The following RIMS2 variants were observed in gnomAD, a reference collection of about 807,000 sequenced individuals.
RIMS2 encodes regulating synaptic membrane exocytosis protein 2.
A neutral mutation model predicts 174.4 loss-of-function variants in RIMS2; 59 were observed. The ratio of observed to expected loss-of-function variants is 0.34; its 90% CI spans 0.27 to 0.42. The LOEUF (loss-of-function observed/expected upper bound fraction) is 0.42, where lower values mean the gene tolerates loss of function less well. RIMS2 is among the 10% of genes least tolerant of loss of function. The pLI is 1.00. For synonymous variants in RIMS2, 606 were observed against 572.5 expected, an observed-to-expected ratio of 1.06 and a Z score of -0.84; for missense variants, 1,620 against 1,666.3, an observed-to-expected ratio of 0.97 and a Z score of 0.48.
intron 19 of RIMS2, chr8:104,223,697 A>T (rs1376288702): frequency 6.3e-7 from 1 of 1,592,702 alleles, no homozygotes; most frequent in Non-Finnish European, 8.5e-7. Flanking sequence ...GGGGCGCTCC[A>T]TGCAGCGCTC....
chr8:103,659,947 T>A (rs2096577333), intron 1 of RIMS2, among the ~76,000 whole-genome samples: 1 of 152,200 alleles, frequency 6.6e-6, no homozygotes, highest in Admixed American at 6.5e-5. Flanking sequence ...TGACTACTTC[T>A]CCATTGATGT....
At chr8:104,218,181 G>A (rs77998482) in intron 19 of RIMS2, among the ~76,000 whole-genome samples, 103 of 152,292 alleles carry the variant, frequency 6.8e-4, no homozygotes, top group East Asian at 3.9e-3. Context: ...AGAAATTCCC[G>A]TCTCTCTCAG....
At chr8:103,882,668 G>C (rs1399006022) in intron 3 of RIMS2, among the ~76,000 whole-genome samples, 3 of 151,422 alleles carry the variant, frequency 2.0e-5, no homozygotes, top group Admixed American at 6.6e-5. Context: ...ATAATCTCTA[G>C]AACAATGTGA....
intron 2 of RIMS2, among the ~76,000 whole-genome samples, chr8:103,752,713 CT>C (rs2097910491): frequency 6.6e-6 from 1 of 152,104 alleles, no homozygotes; most frequent in Non-Finnish European, 1.5e-5. Context: ...TGGGAGTTCA[CT>C]CATGATTTGG....
At chr8:104,073,737 A>T (rs1244953099) in intron 19 of RIMS2, among the ~76,000 whole-genome samples, 1 of 152,186 alleles carries the variant, frequency 6.6e-6, no homozygotes, top group Non-Finnish European at 1.5e-5. Context: ...TTTATTGTGC[A>T]TGCCTGACCC....
intron 19 of RIMS2, among the ~76,000 whole-genome samples, chr8:104,049,880 A>G (rs543241685): frequency 6.6e-6 from 1 of 152,338 alleles, no homozygotes; most frequent in Non-Finnish European, 1.5e-5. Flanking sequence ...AATTGTTAAT[A>G]AAAATCATTT....
intron 1 of RIMS2, among the ~76,000 whole-genome samples, chr8:103,598,334 C>T (rs2094555737): frequency 6.6e-6 from 1 of 152,174 alleles, no homozygotes; most frequent in Non-Finnish European, 1.5e-5. Flanking sequence ...AGCTCTGTTG[C>T]AGCTCTTTTG....
At chr8:103,509,084 T>G (rs1825195997) in intron 1 of RIMS2, among the ~76,000 whole-genome samples, 1 of 152,068 alleles carries the variant, frequency 6.6e-6, no homozygotes, top group South Asian at 2.1e-4. Context: ...AGCATTAATA[T>G]GAGTAATAGA....
intron 1 of RIMS2, among the ~76,000 whole-genome samples, chr8:103,636,632 C>G (rs1372869708): frequency 6.6e-6 from 1 of 152,074 alleles, no homozygotes. Flanking sequence ...GGTTGTTTTC[C>G]TGATTAATTT....
intron 19 of RIMS2, among the ~76,000 whole-genome samples, chr8:104,043,610 T>C (rs2096645754): frequency 6.6e-6 from 1 of 151,646 alleles, no homozygotes; most frequent in African/African-American, 2.4e-5. Flanking sequence ...AGATAAGGTC[T>C]CAATGATAGA....
At chr8:103,849,707 C>T (rs1001570706) in intron 3 of RIMS2, among the ~76,000 whole-genome samples, 7 of 151,850 alleles carry the variant, frequency 4.6e-5, no homozygotes, top group Non-Finnish European at 1.0e-4. Context: ...AAAATGTTAG[C>T]CATTATTGTA....
rs113514399 is a variant in RIMS2, at chr8:103,983,231, G to A, written c.2928-6074G>A. ...ACAATGAAAACTATAAAACATTGGC[G>A]CAAGAAATTGAAGATGGCACACACA... On this transcript the variant is annotated intron_variant, in intron 16 of 23. Coordinates refer to ENST00000504942, the Ensembl canonical transcript of RIMS2. 4.4e-3 allele frequency among the ~76,000 whole-genome samples: 673 copies of A among 152,172 alleles called. 6 individuals carry two copies. Among genetic ancestry groups the A allele is most frequent in the African/African-American group, 0.015 (621 of 41,512 alleles).
chr8:104,232,728 A>G (rs947637364), intron 19 of RIMS2, among the ~76,000 whole-genome samples: 4 of 152,178 alleles, frequency 2.6e-5, no homozygotes, highest in African/African-American at 4.8e-5. Context: ...ATGAAAGCCT[A>G]TGGTGTCTCT....
intron 11 of RIMS2, chr8:103,927,973 CTTTT>C: frequency 9.2e-7 from 1 of 1,092,306 alleles, no homozygotes; most frequent in Admixed American, 2.7e-5. Context: ...AGTAGGAAAA[CTTTT>C]TTTGTTATGT....
chr8:103,569,910 G>C (rs1053273371), intron 1 of RIMS2, among the ~76,000 whole-genome samples: 1 of 151,826 alleles, frequency 6.6e-6, no homozygotes, highest in African/African-American at 2.4e-5. Context: ...TGGGATTATA[G>C]GTGTGAGTCA....
chr8:104,229,913 C>G (rs1312285747), intron 19 of RIMS2, among the ~76,000 whole-genome samples: 1 of 152,178 alleles, frequency 6.6e-6, no homozygotes, highest in East Asian at 1.9e-4. Flanking sequence ...TTGTGAGCTT[C>G]GTAGACATCA....
chr8:103,837,002 AT>A (rs1242790172), intron 3 of RIMS2, among the ~76,000 whole-genome samples: 7 of 152,216 alleles, frequency 4.6e-5, no homozygotes, highest in African/African-American at 9.7e-5. Context: ...TTCTCTACGT[AT>A]TTTTTATGAC....
chr8:104,174,737 CAAT>C (rs1279942039), intron 19 of RIMS2, among the ~76,000 whole-genome samples: 1 of 152,092 alleles, frequency 6.6e-6, no homozygotes, highest in Non-Finnish European at 1.5e-5. Flanking sequence ...GGAAAAGAAA[CAAT>C]AAATGATTTT....
In RIMS2 at chr8:103,766,294, A is replaced by G. The variant is rs1427670847; in HGVS notation, c.455A>G (p.Tyr152Cys). The G allele has an allele frequency of 3.7e-6, 6 of 1,613,348 alleles. No individual in the cohort carries two copies. Among genetic ancestry groups the G allele is most frequent in the East Asian group, 2.2e-5 (1 of 44,878 alleles). ...CTCACTAAATCAGGAGCATGGTTTTATAATAGTGGATCTAATACACCACAG... is the reference window on the plus strand; with the variant it reads ...CTCACTAAATCAGGAGCATGGTTTTGTAATAGTGGATCTAATACACCACAG... Residue 152 changes from tyrosine to cysteine, a missense_variant, in exon 3 of 24, where the codon TAT becomes TGT. Tyr to Cys is a radical substitution (Grantham distance 194, BLOSUM62 -2). Coordinates refer to ENST00000504942, the Ensembl canonical transcript of RIMS2.
Sources: gnomAD v4.1 joint callset for allele counts (sites outside exome capture counted in the v4.1 genomes callset) on GRCh38, gnomAD v4.1.1 for gene constraint, MANE v1.5 for transcripts, NCBI Gene and HGNC (gene_info 2026-07-23, HGNC 2026-07-21) for gene names.